ALDH1L1: variants seen among roughly 807,000 people sequenced by gnomAD.
ALDH1L1 encodes the protein cytosolic 10-formyltetrahydrofolate dehydrogenase.
A neutral mutation model predicts 101.1 loss-of-function variants in ALDH1L1; 68 were observed. The observed-to-expected ratio is 0.67, with a 90% CI of 0.55 to 0.82. The LOEUF is 0.82. Ranked by LOEUF, ALDH1L1 falls within the 40% of genes least tolerant of loss-of-function variation. The pLI is 0.00. For missense variants in ALDH1L1, 1,087 were observed against 1,172.7 expected, an observed-to-expected ratio of 0.93 and a Z score of 1.07; for synonymous variants, 486 against 470.8, an observed-to-expected ratio of 1.03 and a Z score of -0.42.
At chr3:126,168,774 A>T (rs1297783446) in intron 1 of ALDH1L1, among the ~76,000 whole-genome samples, 2 of 152,148 alleles carry the variant, frequency 1.3e-5, no homozygotes, top group African/African-American at 4.8e-5. Flanking sequence ...TTATATTCTA[A>T]GGAATAATAC....
chr3:126,178,535 T>A (rs890350895), intron 1 of ALDH1L1, among the ~76,000 whole-genome samples: 1 of 152,178 alleles, frequency 6.6e-6, no homozygotes, highest in African/African-American at 2.4e-5. Flanking sequence ...AAATGTCTAC[T>A]AATTGAAATA....
At chr3:126,128,165 C>T (rs2080226226) in intron 14 of ALDH1L1, among the ~76,000 whole-genome samples, 1 of 152,130 alleles carries the variant, frequency 6.6e-6, no homozygotes, top group Non-Finnish European at 1.5e-5. Context: ...GGAAGCCACC[C>T]GAGGATTCCG....
At chr3:126,190,503 T>A (rs1256083559) in intron 1 of ALDH1L1, among the ~76,000 whole-genome samples, 1 of 152,194 alleles carries the variant, frequency 6.6e-6, no homozygotes, top group Non-Finnish European at 1.5e-5. Flanking sequence ...AATTTACGTG[T>A]TTTCAGATAC....
intron 17 of ALDH1L1, chr3:126,115,092 C>A: frequency 2.2e-6 from 1 of 457,282 alleles, no homozygotes; most frequent in South Asian, 1.6e-5. Flanking sequence ...CCTATTACAG[C>A]CCCGGTGCCA....
At chr3:126,134,037 A>G (rs1054886122) in intron 12 of ALDH1L1, among the ~76,000 whole-genome samples, 2 of 152,124 alleles carry the variant, frequency 1.3e-5, no homozygotes, top group African/African-American at 4.8e-5. Context: ...ACAATTGTGT[A>G]ATGTCTGATT....
rs372314787 is a variant in ALDH1L1 at position 126,150,407 on chromosome 3, C to T, written c.983G>A (p.Arg328Gln). Residue 328 changes from arginine (R) to glutamine (Q), a missense_variant and splice_region_variant, in exon 8 of 23, where the codon CGG (arginine) becomes CAG (glutamine). Arg to Gln is a conservative substitution (Grantham distance 43). Coordinates refer to ENST00000393434, the MANE Select transcript of ALDH1L1 (RefSeq NM_012190.4). Reference sequence around the variant, plus strand: ...GGCAGCCCTGAAGTTGCCTCTTACCCGCACAGCCTCCGCAGTAACCAGCTC... The same window carrying T: ...GGCAGCCCTGAAGTTGCCTCTTACCTGCACAGCCTCCGCAGTAACCAGCTC... ...EAELVTAEAV[R>Q]SVWQRILPKV... is the part of the protein sequence containing the mutation. 37 of 1,551,000 alleles carry T rather than the reference C, an allele frequency of 2.4e-5. 1 individual carries two copies. The highest frequency in any genetic ancestry group is 1.5e-4 in the East Asian group (6 of 40,890).
Position 126,136,832 on chromosome 3 carries a change from T to A in ALDH1L1, c.1276A>T (p.Ile426Phe). The A allele has an allele frequency of 6.2e-7, 1 of 1,611,354 alleles. No individual in the cohort carries two copies. Among genetic ancestry groups the A allele is most frequent in the East Asian group, 2.2e-5 (1 of 44,840 alleles). Residue 426 changes from isoleucine to phenylalanine, a missense_variant, in exon 11 of 23, where the codon ATT becomes TTT. Physicochemically the swap from Ile to Phe is conservative, Grantham distance 21 (BLOSUM62 0). Around this residue, in one of 2 missense-constraint regions of ALDH1L1, gnomAD observed 645 missense variants for 637.0 expected, o/e 1.01. Transcript: ENST00000393434. ...RTVRMPHQLF[I>F]GGEFVDAEGA... ...TCGGCATCCACGAACTCCCCCCCAATGAAGAGCTGGTGGGGCATGCGGACA... is the reference window on the plus strand; with the variant it reads ...TCGGCATCCACGAACTCCCCCCCAAAGAAGAGCTGGTGGGGCATGCGGACA...
rs755156508 is a variant in ALDH1L1, at chr3:126,130,333, T to G, written c.1624-40A>C. The G allele has an allele frequency of 2.6e-6, 4 of 1,541,612 alleles. No individual in the cohort carries two copies. In the African/African-American group the frequency reaches 5.5e-5, roughly 21 times the overall value. ...GGGGCAGTCACCCAGGGGCCCAGGG[T>G]CCACACCCCTTCCCCTCTAGGCAGC... On this transcript the variant is annotated intron_variant, in intron 13 of 22. Coordinates refer to ENST00000393434, the MANE Select transcript of ALDH1L1 (RefSeq NM_012190.4).
chr3:126,169,566 A>T (rs1236075251), intron 1 of ALDH1L1, among the ~76,000 whole-genome samples: 1 of 152,230 alleles, frequency 6.6e-6, no homozygotes, highest in Non-Finnish European at 1.5e-5. Flanking sequence ...GATGTGTGGT[A>T]AGTAAAGAAT....
upstream of ALDH1L1, chr3:126,180,968 T>G (rs774902267): frequency 8.7e-6 from 14 of 1,610,878 alleles, no homozygotes; most frequent in Admixed American, 2.3e-4. Context: ...GTACCTGCCA[T>G]GTGCTACGGA....
At chr3:126,151,153 C>CTACTGAACAAAAAAAGAAAACG (rs1406759136) in intron 7 of ALDH1L1, 1 of 152,022 alleles carries the variant, frequency 6.6e-6, no homozygotes, top group Non-Finnish European at 1.5e-5. Flanking sequence ...AAAAGGATTC[C>CTACTGAACAAAAAAAGAAAACG]TACTGAACAA....
chr3:126,180,009 G>C (rs1005873633), intron 1 of ALDH1L1: 1 of 152,232 alleles, frequency 6.6e-6, no homozygotes, highest in Non-Finnish European at 1.5e-5. Context: ...CCCAGATTTG[G>C]CCAATCAGGG....
intron 9 of ALDH1L1, among the ~76,000 whole-genome samples, chr3:126,138,639 G>A (rs1253153489): frequency 6.6e-6 from 1 of 152,192 alleles, no homozygotes; most frequent in Non-Finnish European, 1.5e-5. Context: ...CCCACTATTG[G>A]GAAAGATGTA....
chr3:126,179,932 G>C (rs4646697), intron 1 of ALDH1L1: 1 of 152,008 alleles, frequency 6.6e-6, no homozygotes, highest in East Asian at 1.9e-4. Flanking sequence ...CTGGAGCTGG[G>C]ACTCCAGCGC....
rs79967894 is a variant in ALDH1L1, at chr3:126,173,870, T to C, written c.-24+6606A>G. 2.6e-3 allele frequency among the ~76,000 whole-genome samples: 396 copies of C among 152,320 alleles called. 2 individuals carry two copies. Among genetic ancestry groups the C allele is most frequent in the African/African-American group, 9.3e-3 (386 of 41,572 alleles). On this transcript the variant is annotated intron_variant, in intron 1 of 22. Coordinates refer to ENST00000393434, the MANE Select transcript of ALDH1L1 (RefSeq NM_012190.4). ...ATTAGGAATAAAGAGAAGCACTACATAATGGTAAAGGAGTCAATTATCCCA... is the reference window on the plus strand; with the variant it reads ...ATTAGGAATAAAGAGAAGCACTACACAATGGTAAAGGAGTCAATTATCCCA...
chr3:126,136,828 C>T lies in ALDH1L1; in HGVS notation c.1280G>A (p.Gly427Glu), dbSNP rs202198892. The change falls in exon 11 of 23, where the codon GGG becomes GAG. Residue 427 changes from glycine (G) to glutamate (E), a missense_variant. Physicochemically the swap from Gly to Glu is moderately conservative, Grantham distance 98. This residue lies in a region of ALDH1L1 where 645 missense variants were observed against 637.0 expected (regional missense o/e 1.01). Coordinates refer to ENST00000393434, the MANE Select transcript of ALDH1L1 (RefSeq NM_012190.4). ...TVRMPHQLFI[G>E]GEFVDAEGAK... ...GCCCTCGGCATCCACGAACTCCCCCCCAATGAAGAGCTGGTGGGGCATGCG... is the reference window on the plus strand; with the variant it reads ...GCCCTCGGCATCCACGAACTCCCCCTCAATGAAGAGCTGGTGGGGCATGCG... The T allele has an allele frequency of 6.2e-6, 10 of 1,610,424 alleles. No homozygotes were observed. Among genetic ancestry groups the T allele is most frequent in the Admixed American group, 1.7e-5 (1 of 59,536 alleles).
intron 12 of ALDH1L1, among the ~76,000 whole-genome samples, chr3:126,132,485 A>G (rs2080334946): frequency 6.6e-6 from 1 of 151,840 alleles, no homozygotes; most frequent in Non-Finnish European, 1.5e-5. Flanking sequence ...GGGCCACAAG[A>G]CCCCAGCTCC....
intron 1 of ALDH1L1, among the ~76,000 whole-genome samples, chr3:126,168,761 A>G (rs1436451795): frequency 2.0e-5 from 3 of 152,182 alleles, no homozygotes; most frequent in Non-Finnish European, 4.4e-5. Flanking sequence ...ACTGTCTAAT[A>G]GGTTATATTC....
chr3:126,108,300 C>T (rs1017066081), intron 20 of ALDH1L1, among the ~76,000 whole-genome samples: 2 of 152,226 alleles, frequency 1.3e-5, no homozygotes, highest in African/African-American at 4.8e-5. Context: ...GAAGGCAGCC[C>T]CATCCCATGC....
Sources: allele counts gnomAD v4.1 joint callset (sites outside exome capture counted in the v4.1 genomes callset), GRCh38; gene constraint gnomAD v4.1.1; regional missense constraint gnomAD v4.1.1; transcripts MANE v1.5; gene names NCBI Gene and HGNC (gene_info 2026-07-23, HGNC 2026-07-21).